ZNF385B: variants seen among roughly 807,000 people sequenced by gnomAD.
ZNF385B encodes zinc finger protein 385B.
A neutral mutation model predicts 39.2 loss-of-function variants in ZNF385B; 23 were observed. The ratio of observed to expected loss-of-function variants is 0.59; its 90% CI spans 0.42 to 0.83. ZNF385B has a LOEUF of 0.83. Ranked by LOEUF, ZNF385B falls within the 40% of genes least tolerant of loss-of-function variation. The pLI, the probability that ZNF385B is intolerant of heterozygous loss-of-function variation, is 0.00. For synonymous variants in ZNF385B, 205 were observed against 222.6 expected (o/e 0.92, Z 0.70); for missense variants, 552 against 598.9 (o/e 0.92, Z 0.82).
chr2:179,493,790 T>TGTATATACATATATGG (rs2055814522), intron 5 of ZNF385B, among the ~76,000 whole-genome samples: 2 of 143,844 alleles, frequency 1.4e-5, no homozygotes, highest in Non-Finnish European at 3.0e-5. Flanking sequence ...TACACATATG[T>TGTATATACATATATGG]ATACATATAT....
At chr2:179,639,249 A>AG (rs1553488118) in intron 3 of ZNF385B, among the ~76,000 whole-genome samples, 90 of 128,670 alleles carry the variant, frequency 7.0e-4, no homozygotes, top group African/African-American at 2.5e-3. Flanking sequence ...AAAAAAAAAA[A>AG]GGGGGAGAAA....
chr2:179,516,961 T>G (rs1274307382), intron 5 of ZNF385B, among the ~76,000 whole-genome samples: 1 of 151,928 alleles, frequency 6.6e-6, no homozygotes, highest in Non-Finnish European at 1.5e-5. Flanking sequence ...AATTTACATA[T>G]GAATACGTAC....
intron 3 of ZNF385B, among the ~76,000 whole-genome samples, chr2:179,654,574 G>GA (rs1693543276): frequency 6.6e-6 from 1 of 152,148 alleles, no homozygotes; most frequent in African/African-American, 2.4e-5. Flanking sequence ...AAATAGGAAT[G>GA]AAGAATACCA....
chr2:179,839,988 A>G (rs1044877963), intron 1 of ZNF385B, among the ~76,000 whole-genome samples: 5 of 152,208 alleles, frequency 3.3e-5, no homozygotes, highest in Non-Finnish European at 5.9e-5. Flanking sequence ...TTAAGTGTTA[A>G]GACAGTGGGC....
chr2:179,698,544 C>A (rs778970977), intron 3 of ZNF385B, among the ~76,000 whole-genome samples: 2 of 152,086 alleles, frequency 1.3e-5, no homozygotes, highest in Non-Finnish European at 2.9e-5. Context: ...GCAACTACTT[C>A]TTCATAAAAG....
At chr2:179,705,727 G>C (rs1488807192) in intron 3 of ZNF385B, among the ~76,000 whole-genome samples, 1 of 152,226 alleles carries the variant, frequency 6.6e-6, no homozygotes, top group Non-Finnish European at 1.5e-5. Flanking sequence ...TAACAGATCA[G>C]AGAGCAAATA....
intron 3 of ZNF385B, among the ~76,000 whole-genome samples, chr2:179,766,527 G>C (rs576589017): frequency 6.6e-6 from 1 of 152,222 alleles, no homozygotes; most frequent in South Asian, 2.1e-4. Context: ...TGTGAGGGAA[G>C]GATCTATTCT....
chr2:179,695,367 G>A (rs1698660205), intron 3 of ZNF385B, among the ~76,000 whole-genome samples: 1 of 152,010 alleles, frequency 6.6e-6, no homozygotes, highest in African/African-American at 2.4e-5. Flanking sequence ...ACAATGTTGT[G>A]CCTCAAATGA....
intron 3 of ZNF385B, among the ~76,000 whole-genome samples, chr2:179,723,714 G>C (rs1204029532): frequency 6.6e-6 from 1 of 152,124 alleles, no homozygotes; most frequent in Non-Finnish European, 1.5e-5. Context: ...AGGGTTATCT[G>C]AGGTTAAGGT....
At chr2:179,825,543 T>G (rs1707633155) in intron 1 of ZNF385B, among the ~76,000 whole-genome samples, 1 of 152,186 alleles carries the variant, frequency 6.6e-6, no homozygotes. Context: ...TCTAACAGTT[T>G]AAAGGCAAGA....
chr2:179,720,925 G>GTTTTTT (rs56131510), intron 3 of ZNF385B, among the ~76,000 whole-genome samples: 3 of 70,132 alleles, frequency 4.3e-5, no homozygotes, highest in African/African-American at 5.5e-5. Context: ...ATGCCTGGCT[G>GTTTTTT]TTTTTTTTTT....
chr2:179,815,673 C>T lies in ZNF385B; in HGVS notation c.-154-45001G>A, dbSNP rs147311289. On this transcript the variant is annotated intron_variant, in intron 1 of 9. Transcript: ENST00000410066. ...TTTGATTCATTCAACACTACTCTAG[C>T]GCTTAACCAGGTCACTAATGCCCCC... 3.3e-4 allele frequency among the ~76,000 whole-genome samples: 51 copies of T among 152,268 alleles called. No individual in the cohort carries two copies. The East Asian group carries it at 8.3e-3, about 25-fold the overall frequency.
At chr2:179,547,380 T>C (rs986944325) in intron 3 of ZNF385B, among the ~76,000 whole-genome samples, 4 of 149,710 alleles carry the variant, frequency 2.7e-5, no homozygotes, top group Non-Finnish European at 5.9e-5. Context: ...TACATTTTGA[T>C]TTTATTTTTG....
At chr2:179,585,710 C>T (rs1687010577) in intron 3 of ZNF385B, among the ~76,000 whole-genome samples, 1 of 152,002 alleles carries the variant, frequency 6.6e-6, no homozygotes, top group Non-Finnish European at 1.5e-5. Context: ...ACAGACTTTC[C>T]TCCTCTTCCC....
intron 3 of ZNF385B, among the ~76,000 whole-genome samples, chr2:179,705,655 T>C (rs74805770): frequency 0.011 from 1,739 of 152,328 alleles, 30 homozygotes; most frequent in African/African-American, 0.038. Flanking sequence ...ATGTATGTTC[T>C]TTGACCTCAG....
chr2:179,682,233 T>A (rs1268483750), intron 3 of ZNF385B, among the ~76,000 whole-genome samples: 1 of 152,238 alleles, frequency 6.6e-6, no homozygotes, highest in African/African-American at 2.4e-5. Flanking sequence ...TTTCTGTGAC[T>A]CTCTTCTCTT....
At chr2:179,492,933 T>G (rs1427440277) in intron 5 of ZNF385B, among the ~76,000 whole-genome samples, 1 of 152,128 alleles carries the variant, frequency 6.6e-6, no homozygotes, top group East Asian at 1.9e-4. Context: ...ACTAGAAGTT[T>G]TCATTCAAAA....
intron 3 of ZNF385B, among the ~76,000 whole-genome samples, chr2:179,764,181 T>C (rs1380742063): frequency 6.6e-6 from 1 of 152,164 alleles, no homozygotes; most frequent in Non-Finnish European, 1.5e-5. Flanking sequence ...TCCTGGTGAG[T>C]TGAATATCTT....
In ZNF385B at chr2:179,804,740, C is replaced by G. The variant is rs533324205; in HGVS notation, c.-154-34068G>C. Among the ~76,000 whole-genome samples the G allele has an allele frequency of 1.3e-3, 192 of 152,306 alleles. 1 individual carries two copies. The Middle Eastern group carries it at 0.017, about 13-fold the overall frequency. On this transcript the variant is annotated intron_variant, in intron 1 of 9. Coordinates refer to ENST00000410066, the MANE Select transcript of ZNF385B (RefSeq NM_152520.6). ...TTGAATTTTAGCTATTATTTTCTTA[C>G]TACTTCGAACACACCTTATCAACTA...
Sources: gnomAD v4.1 joint callset for allele counts (sites outside exome capture counted in the v4.1 genomes callset) on GRCh38, gnomAD v4.1.1 for gene constraint, MANE v1.5 for transcripts, NCBI Gene and HGNC (gene_info 2026-07-23, HGNC 2026-07-21) for gene names.